Variants in CFAP97D2 observed in about 807,000 individuals in gnomAD.
CFAP97D2 encodes CFAP97 domain containing 2.
At position 114,201,555 on chromosome 13, in the gene CFAP97D2, G is replaced by A. The variant is rs186794769; in HGVS notation, c.290+1112G>A. On this transcript the variant is annotated intron_variant, in intron 3 of 4. Transcript: ENST00000646158. ...AAACCTGCCTCAGAGATGATTTACT[G>A]TGGGCTTCCAGGGCTTCAAGGGAAG... Among the ~76,000 whole-genome samples, 22 of 152,278 alleles carry A rather than the reference G, an allele frequency of 1.4e-4. No homozygotes were observed. In the East Asian group the frequency reaches 3.7e-3, roughly 25 times the overall value.
In CFAP97D2 at chr13:114,179,894, A is replaced by C. The variant is rs557910146; in HGVS notation, c.90+474A>C. On this transcript the variant is annotated intron_variant, in intron 1 of 4. Transcript: ENST00000646158. This position sits in a 1 kb window ranked among gnomAD's most constrained non-coding sequence, Gnocchi z 4.8. The stretch of plus-strand genomic sequence containing the variant: ...TTGAACTCCTGATTTCAGGTGATCC[A>C]CCTGCCTCAGCCTCCCAAAGTGCTG... Among the ~76,000 whole-genome samples the C allele has an allele frequency of 2.9e-3, 435 of 152,200 alleles. No individual in the cohort carries two copies. The highest frequency in any genetic ancestry group is 9.6e-3 in the African/African-American group (400 of 41,528).
Position 114,185,174 on chromosome 13 carries a change from C to A in CFAP97D2, c.90+5754C>A, listed in dbSNP as rs1307111738. Among the ~76,000 whole-genome samples, 1 of 152,192 alleles carries A rather than the reference C, an allele frequency of 6.6e-6. No homozygotes were observed. The highest frequency in any genetic ancestry group is 6.5e-5 in the Admixed American group (1 of 15,290). On this transcript the variant is annotated intron_variant, in intron 1 of 4. Transcript: ENST00000646158. This position sits in a 1 kb window ranked among gnomAD's most constrained non-coding sequence, Gnocchi z 5.2. ...CCCAGGCCCAGGGCCTCCACCACTGCAGACTCTGGCCCCGTGTCACCGCTC... is the reference window on the plus strand; with the variant it reads ...CCCAGGCCCAGGGCCTCCACCACTGAAGACTCTGGCCCCGTGTCACCGCTC...
At chr13:114,206,791 G>A (rs934907532) in intron 3 of CFAP97D2, among the ~76,000 whole-genome samples, 2 of 152,190 alleles carry the variant, frequency 1.3e-5, no homozygotes, top group African/African-American at 2.4e-5. Flanking sequence ...GACTTGTATG[G>A]TATGTGAACT....
rs532183927 is a variant in CFAP97D2 at position 114,194,422 on chromosome 13, T to C, written c.91-1974T>C. On this transcript the variant is annotated intron_variant, in intron 1 of 4. Transcript: ENST00000646158. ...AATTCTCTGGATTTCTCATAGCAAA[T>C]TGCAGGGAGAAAAACAGGGAAATTG... Among the ~76,000 whole-genome samples, 14 of 152,194 alleles carry C rather than the reference T, an allele frequency of 9.2e-5. No individual in the cohort carries two copies. The South Asian group carries it at 2.7e-3, about 29-fold the overall frequency.
chr13:114,200,656 A>G (rs914255801), intron 3 of CFAP97D2, among the ~76,000 whole-genome samples: 1 of 152,130 alleles, frequency 6.6e-6, no homozygotes, highest in Non-Finnish European at 1.5e-5. Context: ...TCCGCAACCC[A>G]CAACTAAATC....
At chr13:114,217,671 T>C (rs1346895371) in intron 4 of CFAP97D2, among the ~76,000 whole-genome samples, 1 of 152,160 alleles carries the variant, frequency 6.6e-6, no homozygotes, top group Non-Finnish European at 1.5e-5. Flanking sequence ...AAAAAGCTTA[T>C]CCACCATGAT....
rs540848164 is a variant in CFAP97D2 at position 114,179,953 on chromosome 13, G to C, written c.90+533G>C. On this transcript the variant is annotated intron_variant, in intron 1 of 4. Coordinates refer to ENST00000646158, the Ensembl canonical transcript of CFAP97D2. The surrounding 1 kb of genome is among the most constrained non-coding windows in gnomAD (Gnocchi z 4.8). ...GGCATGAGCCACCGTGCCCGGCCCG[G>C]CATCCTTTTCTCTATCAAAACAGTG... is the stretch of plus-strand genomic sequence containing the variant. Among the ~76,000 whole-genome samples the C allele has an allele frequency of 1.4e-4, 22 of 152,254 alleles. No homozygotes were observed. The highest frequency in any genetic ancestry group is 3.4e-3 in the Middle Eastern group (1 of 294).
chr13:114,200,608 T>C (rs1456654775), intron 3 of CFAP97D2, among the ~76,000 whole-genome samples, 165 bp downstream of exon 3: 1 of 152,192 alleles, frequency 6.6e-6, no homozygotes, highest in African/African-American at 2.4e-5. Context: ...CCTTGGCGGA[T>C]TGTGATTCCA....
At chr13:114,219,022 C>T (rs1250212914) in intron 4 of CFAP97D2, among the ~76,000 whole-genome samples, 1 of 152,164 alleles carries the variant, frequency 6.6e-6, no homozygotes, top group Non-Finnish European at 1.5e-5. Flanking sequence ...CCAAAATTGA[C>T]AAATGGGATC....
chr13:114,204,928 G>T (rs538160087), intron 3 of CFAP97D2, among the ~76,000 whole-genome samples: 1 of 152,288 alleles, frequency 6.6e-6, no homozygotes, highest in East Asian at 1.9e-4. Flanking sequence ...AATCAGATAC[G>T]ATTAGGGACT....
At chr13:114,196,224 C>T (rs546985856) in intron 1 of CFAP97D2, among the ~76,000 whole-genome samples, 172 bp from the exon 2 acceptor site, 1 of 152,290 alleles carries the variant, frequency 6.6e-6, no homozygotes, top group Non-Finnish European at 1.5e-5. Flanking sequence ...GGGTGCCTGG[C>T]TTCCTCCAGG....
chr13:114,214,311 T>G (rs769492798), intron 4 of CFAP97D2: 11 of 152,228 alleles, frequency 7.2e-5, no homozygotes, highest in Non-Finnish European at 1.2e-4. Context: ...GCATGACTGT[T>G]AAGCAGCTAC....
chr13:114,218,044 A>G lies in CFAP97D2; in HGVS notation c.481-4454A>G, dbSNP rs1305073533. On this transcript the variant is annotated intron_variant, in intron 4 of 4. Transcript: ENST00000646158. ...TGGCCAGGGCAATCAGGCAGGAGAA[A>G]GAAATAAAGGGTATTCAATTAGGAA... Among the ~76,000 whole-genome samples the G allele has an allele frequency of 1.3e-4, 20 of 152,142 alleles. 1 individual carries two copies. The highest frequency in any genetic ancestry group is 4.4e-5 in the Non-Finnish European group (3 of 68,026).
chr13:114,181,867 G>C (rs2080833557), intron 1 of CFAP97D2, among the ~76,000 whole-genome samples: 1 of 150,810 alleles, frequency 6.6e-6, no homozygotes, highest in South Asian at 2.1e-4. Context: ...CCTGCCCCCA[G>C]CGCTCCCCAA....
At chr13:114,213,346 G>A (rs970347901) in intron 4 of CFAP97D2, among the ~76,000 whole-genome samples, 6 of 142,406 alleles carry the variant, frequency 4.2e-5, no homozygotes, top group African/African-American at 1.6e-4. Flanking sequence ...CCCTGTGGAA[G>A]CTCCAAGACC....
chr13:114,187,441 A>G lies in CFAP97D2; in HGVS notation c.90+8021A>G, dbSNP rs1392008186. Among the ~76,000 whole-genome samples, 3 of 152,200 alleles carry G rather than the reference A, an allele frequency of 2.0e-5. No individual in the cohort carries two copies. Among genetic ancestry groups the G allele is most frequent in the Non-Finnish European group, 2.9e-5 (2 of 68,036 alleles). The stretch of plus-strand genomic sequence containing the variant: ...TTAAAAGTAAATGATTGAAAAAAAT[A>G]TACCATGTCAACACAAGTCAAAAGA... On this transcript the variant is annotated intron_variant, in intron 1 of 4. Transcript: ENST00000646158. The surrounding 1 kb of genome is among the most constrained non-coding windows in gnomAD (Gnocchi z 4.2).
chr13:114,194,167 A>G (rs1222325869), intron 1 of CFAP97D2, among the ~76,000 whole-genome samples: 2 of 152,240 alleles, frequency 1.3e-5, no homozygotes, highest in Non-Finnish European at 2.9e-5. Context: ...TGGAATTAGA[A>G]TATCTCCACT....
chr13:114,201,727 G>A (rs1257292398), intron 3 of CFAP97D2, among the ~76,000 whole-genome samples: 1 of 152,248 alleles, frequency 6.6e-6, no homozygotes, highest in African/African-American at 2.4e-5. Context: ...TTCGTTTTCA[G>A]GGGAGTCTCA....
intron 1 of CFAP97D2, among the ~76,000 whole-genome samples, chr13:114,191,983 C>T (rs2080871021): frequency 7.2e-6 from 1 of 138,420 alleles, no homozygotes; most frequent in Non-Finnish European, 1.5e-5. Flanking sequence ...TGCTAAAAGA[C>T]TGCATACTAT....
Sources: allele counts gnomAD v4.1 joint callset (sites outside exome capture counted in the v4.1 genomes callset), GRCh38; gene constraint gnomAD v4.1.1; non-coding constraint Gnocchi (gnomAD v3.1); transcripts MANE v1.5; gene names NCBI Gene and HGNC (gene_info 2026-07-23, HGNC 2026-07-21).